ZC3H12C: variants seen among roughly 807,000 people sequenced by gnomAD.
ZC3H12C encodes the protein probable ribonuclease ZC3H12C.
In ZC3H12C, 20 loss-of-function variants were observed where a neutral mutation model predicts 76.3. The ratio of observed to expected loss-of-function variants is 0.26; its 90% CI spans 0.18 to 0.38. ZC3H12C has a LOEUF of 0.38. ZC3H12C is among the 10% of genes least tolerant of loss of function. The pLI is 1.00. For synonymous variants in ZC3H12C, 352 were observed against 399.6 expected (o/e 0.88, Z 1.42); for missense variants, 874 against 1,086.5 (o/e 0.80, Z 2.75).
chr11:110,130,953 CT>C, intron 1 of ZC3H12C: 1 of 1,390,556 alleles, frequency 7.2e-7, no homozygotes, highest in East Asian at 2.5e-5. Flanking sequence ...TGTTATTCCA[CT>C]CGGTAATAGG....
At position 110,159,488 on chromosome 11, in the gene ZC3H12C, C is replaced by G. The variant is rs895276058; in HGVS notation, c.1146C>G (p.Asp382Glu). ...TATTAATGTATTCATTTGTCAATGA[C>G]AAGTAAGTAAAACCATTTACTTGCC... ...ERLLMYSFVN[D>E]KFMPPDDPLG... is the part of the protein sequence containing the mutation. Residue 382 changes from aspartate to glutamate, a missense_variant and splice_region_variant, in exon 4 of 6, where the codon GAC becomes GAG. Physicochemically the swap from Asp to Glu is conservative, Grantham distance 45 (BLOSUM62 2). Transcript: ENST00000278590. 7.5e-6 allele frequency: 12 copies of G among 1,598,394 alleles called. No individual in the cohort carries two copies. Among genetic ancestry groups the G allele is most frequent in the Non-Finnish European group, 8.5e-6 (10 of 1,170,824 alleles).
intron 1 of ZC3H12C, among the ~76,000 whole-genome samples, 164 bp downstream of exon 1, chr11:110,093,596 C>G (rs1861052222): frequency 6.6e-6 from 1 of 151,644 alleles, no homozygotes; most frequent in Non-Finnish European, 1.5e-5. Flanking sequence ...GGGTCGGGCT[C>G]CGGAGGTCGA....
chr11:110,108,354 A>C (rs540419145), intron 1 of ZC3H12C, among the ~76,000 whole-genome samples: 1 of 152,342 alleles, frequency 6.6e-6, no homozygotes, highest in Admixed American at 6.5e-5. Context: ...TCTCTCAAAA[A>C]AGGTTCAGAT....
At chr11:110,118,022 CATAT>C (rs1316950817) in intron 1 of ZC3H12C, among the ~76,000 whole-genome samples, 2 of 124,610 alleles carry the variant, frequency 1.6e-5, no homozygotes, top group Admixed American at 8.8e-5. Flanking sequence ...TACACACACA[CATAT>C]ATATTATATA....
At position 110,165,935 on chromosome 11, in the gene ZC3H12C, C is replaced by CTT; in HGVS notation, c.*208_*209dup. The CTT allele has an allele frequency of 3.5e-5, 17 of 486,090 alleles. No homozygotes were observed. Among genetic ancestry groups the CTT allele is most frequent in the Non-Finnish European group, 4.2e-5 (12 of 287,652 alleles). 30.1% of individuals were successfully genotyped at this position (486,090 alleles called of 1,614,324 possible). A position where few individuals can be genotyped will look rare whatever the true frequency, so the allele number is the denominator to read the frequency against. On this transcript the variant is annotated 3_prime_UTR_variant, in exon 6 of 6. Transcript: ENST00000278590. ...ATCACGGGATTGCTTTACATTTAAA[C>CTT]TTTTTTTTTTTAACATTTCCTTTTT...
intron 2 of ZC3H12C, among the ~76,000 whole-genome samples, chr11:110,145,400 T>G (rs938229720): frequency 6.6e-6 from 1 of 152,164 alleles, no homozygotes; most frequent in Non-Finnish European, 1.5e-5. Flanking sequence ...ATAATTTAAG[T>G]TCATTTAGCT....
At chr11:110,130,959 A>T in intron 1 of ZC3H12C, 1 of 1,425,334 alleles carries the variant, frequency 7.0e-7, no homozygotes, top group South Asian at 1.3e-5. Flanking sequence ...TCCACTCGGT[A>T]ATAGGTTAAG....
intron 2 of ZC3H12C, among the ~76,000 whole-genome samples, chr11:110,145,408 G>A (rs1862145851): frequency 1.3e-5 from 2 of 152,140 alleles, no homozygotes; most frequent in Non-Finnish European, 2.9e-5. Flanking sequence ...AGTTCATTTA[G>A]CTCTCCTAAT....
intron 2 of ZC3H12C, among the ~76,000 whole-genome samples, chr11:110,138,134 A>T (rs1420954945): frequency 1.3e-5 from 2 of 151,944 alleles, no homozygotes; most frequent in Non-Finnish European, 2.9e-5. Flanking sequence ...TTTAAAAGAA[A>T]TTTTTTTGTG....
At chr11:110,153,199 G>T in intron 3 of ZC3H12C, 141 bp downstream of exon 3, 2 of 1,122,086 alleles carry the variant, frequency 1.8e-6, no homozygotes, top group East Asian at 2.6e-5. Flanking sequence ...TGTTGTTGTT[G>T]TTTTCTGAGA....
Position 110,165,609 on chromosome 11 carries a change from T to G in ZC3H12C, c.2524T>G (p.Tyr842Asp). ...PRYQDNREKI[Y>D]INLCNIFPPD... ...GTATCAAGACAACCGAGAAAAGATTTATATCAATTTGTGCAACATCTTCCC... is the reference window on the plus strand; with the variant it reads ...GTATCAAGACAACCGAGAAAAGATTGATATCAATTTGTGCAACATCTTCCC... Residue 842 changes from tyrosine (Y) to aspartate (D), a missense_variant, in exon 6 of 6, where the codon TAT becomes GAT. Around this residue, in one of 3 missense-constraint regions of ZC3H12C, gnomAD observed 395 missense variants for 434.4 expected, o/e 0.91. Coordinates refer to ENST00000278590, the MANE Select transcript of ZC3H12C (RefSeq NM_033390.2). 1 of 1,603,620 alleles carries G rather than the reference T, an allele frequency of 6.2e-7. No homozygotes were observed. Among genetic ancestry groups the G allele is most frequent in the Non-Finnish European group, 8.5e-7 (1 of 1,174,900 alleles).
At chr11:110,107,330 T>G (rs1053536023) in intron 1 of ZC3H12C, among the ~76,000 whole-genome samples, 1 of 152,158 alleles carries the variant, frequency 6.6e-6, no homozygotes, top group Non-Finnish European at 1.5e-5. Flanking sequence ...AAAATATGAG[T>G]AAAGGTAAAT....
chr11:110,119,901 A>G (rs1271703914), intron 1 of ZC3H12C, among the ~76,000 whole-genome samples: 3 of 152,184 alleles, frequency 2.0e-5, no homozygotes, highest in African/African-American at 7.2e-5. Context: ...AGACTATCAC[A>G]TTGGATGTTT....
intron 1 of ZC3H12C, among the ~76,000 whole-genome samples, chr11:110,126,503 A>G (rs1327861758): frequency 6.6e-6 from 1 of 152,082 alleles, no homozygotes; most frequent in Non-Finnish European, 1.5e-5. Context: ...TATAGGTGTG[A>G]GCCACTGCAC....
At chr11:110,163,247 T>A (rs1303641710) in intron 4 of ZC3H12C, 26 bp from the exon 5 acceptor site, 1 of 1,568,122 alleles carries the variant, frequency 6.4e-7, no homozygotes, top group Non-Finnish European at 8.7e-7. Context: ...TACTTAGGTA[T>A]CATTTTTTTA....
Position 110,152,902 on chromosome 11 carries a change from C to T in ZC3H12C, c.774-17C>T, listed in dbSNP as rs1421115930. The T allele has an allele frequency of 6.2e-7, 1 of 1,607,626 alleles. No individual in the cohort carries two copies. Among genetic ancestry groups the T allele is most frequent in the South Asian group, 1.1e-5 (1 of 89,606 alleles). ...TAGGTTTTGTTGTGTTTTAAGTGTT[C>T]CGTAATAATCTTTCAGCCATGGAAA... On this transcript the variant is annotated splice_polypyrimidine_tract_variant and intron_variant, in intron 2 of 5. Coordinates refer to ENST00000278590, the MANE Select transcript of ZC3H12C (RefSeq NM_033390.2).
At chr11:110,123,885 GAA>G (rs1861692658) in intron 1 of ZC3H12C, among the ~76,000 whole-genome samples, 1 of 152,198 alleles carries the variant, frequency 6.6e-6, no homozygotes, top group South Asian at 2.1e-4. Context: ...CTATTGGAGA[GAA>G]GGTGATTTAA....
At chr11:110,093,519 C>T (rs1002409583) in intron 1 of ZC3H12C, 87 bp downstream of exon 1, 3 of 1,007,498 alleles carry the variant, frequency 3.0e-6, no homozygotes, top group Non-Finnish European at 2.5e-6. Context: ...CGCGGGGCCG[C>T]GCCCGGGCGC....
intron 2 of ZC3H12C, among the ~76,000 whole-genome samples, chr11:110,140,119 T>C (rs1862044013): frequency 6.6e-6 from 1 of 151,992 alleles, no homozygotes; most frequent in Non-Finnish European, 1.5e-5. Context: ...CTGGGCAACA[T>C]GGCAAAATCC....
Sources: allele counts gnomAD v4.1 joint callset (sites outside exome capture counted in the v4.1 genomes callset), GRCh38; gene constraint gnomAD v4.1.1; regional missense constraint gnomAD v4.1.1; transcripts MANE v1.5; gene names NCBI Gene and HGNC (gene_info 2026-07-23, HGNC 2026-07-21).